The following RBFOX3 variants were observed in gnomAD, a reference collection of about 807,000 sequenced individuals.
RBFOX3 encodes RNA binding protein fox-1 homolog 3.
Under a neutral mutation model 48.7 loss-of-function variants are expected in RBFOX3, and 17 were observed. That is an observed-to-expected ratio of 0.35 (90% CI 0.24 to 0.52). RBFOX3 has a LOEUF of 0.52. Among genes scored for constraint, RBFOX3 ranks in the 20% least tolerant of loss-of-function variants. RBFOX3 has a pLI of 0.94. For missense variants in RBFOX3, 382 were observed against 497.5 expected (o/e 0.77, Z 2.21); for synonymous variants, 212 against 209.5 (o/e 1.01, Z -0.10).
At chr17:79,502,810 TCCCCAC>T (rs2149749387) in intron 1 of RBFOX3, among the ~76,000 whole-genome samples, 1 of 152,264 alleles carries the variant, frequency 6.6e-6, no homozygotes, top group South Asian at 2.1e-4. Context: ...AGGCCCGGCC[TCCCCAC>T]TCCCTGTCCA....
rs1403258560 is a variant in RBFOX3 at position 79,477,415 on chromosome 17, A to G, written c.-175+5039T>C. Reference sequence around the variant, plus strand: ...ACTAAAAATACAAAACATTAGCCAGACGTGGTGGCGGGCGCCTGTAGTCCC... The same window carrying G: ...ACTAAAAATACAAAACATTAGCCAGGCGTGGTGGCGGGCGCCTGTAGTCCC... On this transcript the variant is annotated intron_variant, in intron 2 of 14. Coordinates refer to ENST00000693108, the MANE Select transcript of RBFOX3 (RefSeq NM_001350451.2). The surrounding 1 kb of genome is among the most constrained non-coding windows in gnomAD (Gnocchi z 4.8). Among the ~76,000 whole-genome samples the G allele has an allele frequency of 1.6e-3, 234 of 146,026 alleles. 1 individual carries two copies. The highest frequency in any genetic ancestry group is 6.3e-3 in the East Asian group (30 of 4,786).
intron 4 of RBFOX3, among the ~76,000 whole-genome samples, chr17:79,218,584 C>T (rs542370422): frequency 1.7e-4 from 26 of 152,256 alleles, no homozygotes; most frequent in African/African-American, 6.0e-4. Flanking sequence ...CAATCAGACC[C>T]TAACCAGAGA....
chr17:79,421,711 C>T lies in RBFOX3; in HGVS notation c.-175+60743G>A, dbSNP rs1032785709. Reference sequence around the variant, plus strand: ...ATGACCATAGGACCAAGCAAGATGACGCAGGCCCCTGGCAAGCCTGAGGCC... The same window carrying T: ...ATGACCATAGGACCAAGCAAGATGATGCAGGCCCCTGGCAAGCCTGAGGCC... On this transcript the variant is annotated intron_variant, in intron 2 of 14. Transcript: ENST00000693108. This position sits in a 1 kb window ranked among gnomAD's most constrained non-coding sequence, Gnocchi z 4.5. Among the ~76,000 whole-genome samples, 4 of 152,256 alleles carry T rather than the reference C, an allele frequency of 2.6e-5. No individual in the cohort carries two copies. In the East Asian group the frequency reaches 5.8e-4, roughly 22 times the overall value.
rs60851419 is a variant in RBFOX3, at chr17:79,383,031, A to AACACACACACACACACAC, written c.-174-75225_-174-75208dup. ...CAAATCAATCAATCTCTGCCTCTCA[A>AACACACACACACACACAC]ACACACACACACACACACACACACA... is the stretch of plus-strand genomic sequence containing the variant. On this transcript the variant is annotated intron_variant, in intron 2 of 14. Coordinates refer to ENST00000693108, the MANE Select transcript of RBFOX3 (RefSeq NM_001350451.2). 3.6e-3 allele frequency among the ~76,000 whole-genome samples: 512 copies of AACACACACACACACACAC among 141,370 alleles called. 7 individuals carry two copies. Among genetic ancestry groups the AACACACACACACACACAC allele is most frequent in the African/African-American group, 0.011 (377 of 35,716 alleles). 92.7% of individuals were successfully genotyped at this position (141,370 alleles called of 152,430 possible).
At chr17:79,553,123 AAT>A (rs1261846354) in intron 1 of RBFOX3, among the ~76,000 whole-genome samples, 1 of 152,188 alleles carries the variant, frequency 6.6e-6, no homozygotes, top group Non-Finnish European at 1.5e-5. Context: ...ATGAGTTTTG[AAT>A]ATGATTACAG....
chr17:79,125,069 T>C (rs2036828802), intron 4 of RBFOX3, among the ~76,000 whole-genome samples: 1 of 152,104 alleles, frequency 6.6e-6, no homozygotes, highest in African/African-American at 2.4e-5. Flanking sequence ...AACCCTGACC[T>C]CTAGACGCCT....
chr17:79,327,690 C>T (rs2079545324), intron 2 of RBFOX3, among the ~76,000 whole-genome samples: 2 of 152,208 alleles, frequency 1.3e-5, no homozygotes, highest in Non-Finnish European at 2.9e-5. Context: ...CTATAGTCAT[C>T]CACTTATTCC....
chr17:79,126,456 G>C (rs537797651), intron 4 of RBFOX3, among the ~76,000 whole-genome samples: 3 of 151,570 alleles, frequency 2.0e-5, no homozygotes, highest in African/African-American at 7.3e-5. Context: ...CTGGTGACCC[G>C]GGGGCTGACC....
At chr17:79,386,273 C>T (rs551271396) in intron 2 of RBFOX3, among the ~76,000 whole-genome samples, 229 of 151,426 alleles carry the variant, frequency 1.5e-3, no homozygotes, top group African/African-American at 5.4e-3. Context: ...GGGGCTCCAT[C>T]ACCTCCCACA....
intron 14 of RBFOX3, 49 bp from the exon 15 acceptor site, chr17:79,090,934 C>A (rs539992622): frequency 1.6e-5 from 25 of 1,527,882 alleles, no homozygotes; most frequent in Non-Finnish European, 2.1e-5. Context: ...GGGGGAGGCA[C>A]AGCAGGTGTG....
Position 79,094,536 on chromosome 17 carries a change from A to T in RBFOX3, c.999-7T>A. 2 of 991,458 alleles carry T rather than the reference A, an allele frequency of 2.0e-6. No individual in the cohort carries two copies. The highest frequency in any genetic ancestry group is 2.6e-6 in the Non-Finnish European group (2 of 772,844). The allele number at this position is 991,458 out of a possible 1,614,324, so 61.4% of individuals were successfully genotyped here. A position where few individuals can be genotyped will look rare whatever the true frequency, so the allele number is the denominator to read the frequency against. ...TGCGTAGACTCTGCCGTAACTAGGG[A>T]AGAGCGTGGGAGGGGGAGTGGGAGG... On this transcript the variant is annotated splice_polypyrimidine_tract_variant and splice_region_variant and intron_variant, in intron 13 of 14. Coordinates refer to ENST00000693108, the MANE Select transcript of RBFOX3 (RefSeq NM_001350451.2).
At chr17:79,142,336 G>A (rs913457332) in intron 4 of RBFOX3, among the ~76,000 whole-genome samples, 2 of 151,982 alleles carry the variant, frequency 1.3e-5, no homozygotes, top group Non-Finnish European at 2.9e-5. Context: ...AGAGGCAGGA[G>A]GGGTCTGAAC....
chr17:79,512,539 C>T (rs1043461922), intron 1 of RBFOX3, among the ~76,000 whole-genome samples: 98 of 144,780 alleles, frequency 6.8e-4, no homozygotes, highest in South Asian at 9.0e-4. Context: ...ATGTTACCAT[C>T]GGGTACAGCC....
chr17:79,138,858 A>C (rs1599623012), intron 4 of RBFOX3, among the ~76,000 whole-genome samples: 1 of 84,128 alleles, frequency 1.2e-5, no homozygotes, highest in Non-Finnish European at 2.3e-5. Context: ...ACATGCATTC[A>C]CGCCCCCTCT....
intron 1 of RBFOX3, among the ~76,000 whole-genome samples, chr17:79,606,926 C>G (rs2093844502): frequency 6.6e-6 from 1 of 152,128 alleles, no homozygotes; most frequent in East Asian, 1.9e-4. Context: ...GACAGGGAGA[C>G]AGGGAGATAG....
intron 3 of RBFOX3, among the ~76,000 whole-genome samples, chr17:79,293,895 GT>G (rs1266359073): frequency 6.6e-6 from 1 of 152,192 alleles, no homozygotes; most frequent in East Asian, 1.9e-4. Flanking sequence ...ACTCATTCTG[GT>G]TAGGATTTAA....
the RBFOX3 span, among the ~76,000 whole-genome samples, chr17:79,656,538 T>TGGGAGGCGGAGGTTGCA: frequency 6.6e-6 from 1 of 151,074 alleles, no homozygotes; most frequent in Non-Finnish European, 1.5e-5. Flanking sequence ...CGGTTGAACG[T>TGGGAGGCGGAGGTTGCA]GGGAGGCGGA....
intron 3 of RBFOX3, among the ~76,000 whole-genome samples, chr17:79,253,338 C>A (rs985077974): frequency 1.3e-5 from 2 of 151,410 alleles, no homozygotes; most frequent in African/African-American, 2.4e-5. Flanking sequence ...CAAGATGATC[C>A]AGCTGAGGTT....
chr17:79,284,986 T>C (rs1018053877), intron 3 of RBFOX3, among the ~76,000 whole-genome samples: 1 of 152,178 alleles, frequency 6.6e-6, no homozygotes, highest in African/African-American at 2.4e-5. Flanking sequence ...TAAATGGTCA[T>C]GGATTCAAAA....
Sources: gnomAD v4.1 joint callset for allele counts (sites outside exome capture counted in the v4.1 genomes callset) on GRCh38, gnomAD v4.1.1 for gene constraint, Gnocchi (gnomAD v3.1) non-coding constraint, MANE v1.5 for transcripts, NCBI Gene and HGNC (gene_info 2026-07-23, HGNC 2026-07-21) for gene names.